INPP5F: variants seen among roughly 807,000 people sequenced by gnomAD.
INPP5F encodes inositol polyphosphate-5-phosphatase F.
A neutral mutation model predicts 137.2 loss-of-function variants in INPP5F; 97 were observed. The observed-to-expected ratio is 0.71, with a 90% confidence interval of 0.60 to 0.84. The LOEUF (loss-of-function observed/expected upper bound fraction) is 0.84. Ranked by LOEUF, INPP5F falls within the 40% of genes least tolerant of loss-of-function variation. The pLI is 0.00. For missense variants in INPP5F, 1,271 were observed against 1,371.9 expected, an observed-to-expected ratio of 0.93 and a Z score of 1.16; for synonymous variants, 504 against 476.9, an observed-to-expected ratio of 1.06 and a Z score of -0.74.
chr10:119,800,133 T>C (rs1429097947), intron 9 of INPP5F, among the ~76,000 whole-genome samples: 1 of 151,830 alleles, frequency 6.6e-6, no homozygotes, highest in African/African-American at 2.4e-5. Context: ...TTGATACATT[T>C]GGCTTTATTA....
chr10:119,782,184 T>C (rs1372549578), intron 3 of INPP5F, among the ~76,000 whole-genome samples: 1 of 152,234 alleles, frequency 6.6e-6, no homozygotes, highest in Non-Finnish European at 1.5e-5. Flanking sequence ...TCTAAGCATA[T>C]ATTACTCTAT....
intron 3 of INPP5F, among the ~76,000 whole-genome samples, chr10:119,782,955 A>C (rs932556733): frequency 3.3e-5 from 5 of 152,220 alleles, no homozygotes; most frequent in African/African-American, 1.2e-4. Context: ...TTTATGCTTC[A>C]AATGTCACTG....
chr10:119,765,843 A>G (rs1017326758), intron 2 of INPP5F, among the ~76,000 whole-genome samples: 1 of 130,336 alleles, frequency 7.7e-6, no homozygotes, highest in South Asian at 2.4e-4. Flanking sequence ...ATACTAATTA[A>G]TCTCTCTGTA....
At chr10:119,793,439 C>CAAAAT (rs1850218540) in intron 6 of INPP5F, 1 of 149,884 alleles carries the variant, frequency 6.7e-6, no homozygotes, top group African/African-American at 2.5e-5. Flanking sequence ...CAAAACAAAA[C>CAAAAT]TGAGATAGGA....
chr10:119,781,534 C>G lies in INPP5F; in HGVS notation c.179-101C>G, dbSNP rs1041380820. On this transcript the variant is annotated intron_variant, in intron 2 of 19. Transcript: ENST00000650623. ...ACTTTAAAAGTTTATTTTGGATGCA[C>G]ACTTTTTTTTTTGTTATCATTGTTA... The G allele has an allele frequency of 9.9e-6, 10 of 1,013,168 alleles. No individual in the cohort carries two copies. The African/African-American group carries it at 1.5e-4, about 15-fold the overall frequency. The allele number at this position is 1,013,168 out of a possible 1,614,324, so 62.8% of individuals were successfully genotyped here. A position where few individuals can be genotyped will look rare whatever the true frequency, so the allele number is the denominator to read the frequency against.
At chr10:119,790,508 G>A (rs950254868) in intron 3 of INPP5F, among the ~76,000 whole-genome samples, 3 of 152,076 alleles carry the variant, frequency 2.0e-5, no homozygotes, top group Admixed American at 1.3e-4. Flanking sequence ...ATGAAAATTT[G>A]GTCCAGTTAT....
At position 119,776,662 on chromosome 10, in the gene INPP5F, C is replaced by CTGTGTGTG. The variant is rs34501428; in HGVS notation, c.179-4965_179-4958dup. ...GATGTAAACTAGGAAGGGCCTTCCT[C>CTGTGTGTG]TGTGTGTGTGTGTGTATGTGTGTTT... is the stretch of plus-strand genomic sequence containing the variant. On this transcript the variant is annotated intron_variant, in intron 2 of 19. Coordinates refer to ENST00000650623, the MANE Select transcript of INPP5F (RefSeq NM_014937.4). 2.0e-5 allele frequency among the ~76,000 whole-genome samples: 3 copies of CTGTGTGTG among 150,984 alleles called. No individual in the cohort carries two copies. The South Asian group carries it at 6.3e-4, about 32-fold the overall frequency.
chr10:119,822,394 T>C (rs1187105761), intron 16 of INPP5F, 37 bp from the exon 17 acceptor site: 4 of 1,180,158 alleles, frequency 3.4e-6, no homozygotes, highest in Non-Finnish European at 4.8e-6. Flanking sequence ...ATGCTTTTGA[T>C]TTAAATCCTC....
At chr10:119,822,177 C>A (rs1206327102) in intron 16 of INPP5F, among the ~76,000 whole-genome samples, 1 of 152,096 alleles carries the variant, frequency 6.6e-6, no homozygotes, top group African/African-American at 2.4e-5. Context: ...TGTGAGCCAC[C>A]ACGCCTGGCC....
At chr10:119,739,337 A>G (rs1299973974) in intron 1 of INPP5F, among the ~76,000 whole-genome samples, 1 of 152,246 alleles carries the variant, frequency 6.6e-6, no homozygotes, top group East Asian at 1.9e-4. Context: ...TTTGTATAAA[A>G]GAAGAAAATA....
intron 1 of INPP5F, among the ~76,000 whole-genome samples, chr10:119,749,338 C>T (rs889649312): frequency 6.6e-6 from 1 of 152,252 alleles, no homozygotes; most frequent in Non-Finnish European, 1.5e-5. Flanking sequence ...CCTGGCCGCG[C>T]CTCCCCGGAT....
chr10:119,729,744 A>ATTTTT (rs34359657), intron 1 of INPP5F, among the ~76,000 whole-genome samples: 1 of 128,234 alleles, frequency 7.8e-6, no homozygotes, highest in African/African-American at 2.9e-5. Context: ...CACCTGGCTA[A>ATTTTT]TTTTTTTTTT....
intron 15 of INPP5F, chr10:119,815,610 G>T: frequency 3.6e-6 from 1 of 278,060 alleles, no homozygotes. Context: ...CTGTCTGTTG[G>T]CTCTTCAGTC....
At chr10:119,735,586 T>C (rs1454226506) in intron 1 of INPP5F, among the ~76,000 whole-genome samples, 1 of 152,194 alleles carries the variant, frequency 6.6e-6, no homozygotes, top group African/African-American at 2.4e-5. Context: ...ATGCCAGATA[T>C]AAACATTCTC....
chr10:119,798,590 C>A lies in INPP5F; in HGVS notation c.1096C>A (p.Leu366Met). ...AYFCAHFEEQLNIYKKQVIIN... is the reference protein window; with the variant it reads ...AYFCAHFEEQMNIYKKQVIIN... ...TTTCTGTGCCCATTTCGAAGAACAA[C>A]TGAACATTTACAAAAAACAGGTGGG... Residue 366 changes from leucine to methionine, a missense_variant, in exon 9 of 20, where the codon CTG becomes ATG. Coordinates refer to ENST00000650623, the MANE Select transcript of INPP5F (RefSeq NM_014937.4). The A allele has an allele frequency of 6.2e-7, 1 of 1,611,858 alleles. No homozygotes were observed. The highest frequency in any genetic ancestry group is 8.5e-7 in the Non-Finnish European group (1 of 1,178,708).
intron 13 of INPP5F, among the ~76,000 whole-genome samples, chr10:119,809,761 G>A (rs1850954943): frequency 6.6e-6 from 1 of 152,136 alleles, no homozygotes; most frequent in Admixed American, 6.5e-5. Context: ...TATTACACCA[G>A]TTTGAGATGT....
At chr10:119,735,560 AT>A (rs1052496981) in intron 1 of INPP5F, among the ~76,000 whole-genome samples, 1 of 152,196 alleles carries the variant, frequency 6.6e-6, no homozygotes, top group African/African-American at 2.4e-5. Flanking sequence ...TCACAGTATC[AT>A]TATATATTGT....
At chr10:119,766,917 C>T (rs1485610035) in intron 2 of INPP5F, among the ~76,000 whole-genome samples, 2 of 151,716 alleles carry the variant, frequency 1.3e-5, no homozygotes, top group Admixed American at 1.3e-4. Context: ...TAGCCTGGTC[C>T]AACATGGTAA....
At chr10:119,779,004 C>T (rs1849613704) in intron 2 of INPP5F, among the ~76,000 whole-genome samples, 1 of 152,096 alleles carries the variant, frequency 6.6e-6, no homozygotes, top group South Asian at 2.1e-4. Flanking sequence ...TCTCTTTTAT[C>T]CTATTCCCAT....
Sources: gnomAD v4.1 joint callset for allele counts (sites outside exome capture counted in the v4.1 genomes callset) on GRCh38, gnomAD v4.1.1 for gene constraint, MANE v1.5 for transcripts, NCBI Gene and HGNC (gene_info 2026-07-23, HGNC 2026-07-21) for gene names.